Variants in LEKR1 observed in about 807,000 individuals in gnomAD.
The protein encoded by LEKR1 is leucine, glutamate and lysine rich 1.
A neutral mutation model predicts 72.4 loss-of-function variants in LEKR1; 59 were observed. That is an observed-to-expected ratio of 0.82 (90% CI 0.66 to 1.01). LEKR1 has a LOEUF of 1.01. Ranked by LOEUF, LEKR1 falls within the 50% of genes least tolerant of loss-of-function variation. LEKR1 has a pLI of 0.00. For missense variants in LEKR1, 728 were observed against 759.2 expected (o/e 0.96, Z 0.48); for synonymous variants, 257 against 263.2 (o/e 0.98, Z 0.23).
intron 3 of LEKR1, among the ~76,000 whole-genome samples, chr3:156,915,912 T>C (rs1723590179): frequency 6.6e-6 from 1 of 152,206 alleles, no homozygotes; most frequent in Non-Finnish European, 1.5e-5. Flanking sequence ...TTTAAGTCTT[T>C]AATCCATCTT....
intron 3 of LEKR1, among the ~76,000 whole-genome samples, chr3:156,864,577 T>C (rs1456842003): frequency 6.6e-6 from 1 of 152,056 alleles, no homozygotes; most frequent in Non-Finnish European, 1.5e-5. Flanking sequence ...GACTTACTGC[T>C]TTCATTTTCT....
At chr3:156,924,912 T>G (rs1182495342) in intron 4 of LEKR1, 1 of 157,256 alleles carries the variant, frequency 6.4e-6, no homozygotes, top group East Asian at 1.8e-4. Context: ...TTCAAAATTG[T>G]TTTTGCTATT....
intron 2 of LEKR1, among the ~76,000 whole-genome samples, chr3:156,838,790 C>A (rs988864749): frequency 1.4e-4 from 21 of 152,132 alleles, no homozygotes; most frequent in Non-Finnish European, 1.5e-5. Flanking sequence ...GGGGGGCTGA[C>A]AAACTGCAGG....
intron 9 of LEKR1, among the ~76,000 whole-genome samples, chr3:157,008,977 C>T (rs1025728008): frequency 6.6e-5 from 10 of 151,942 alleles, no homozygotes; most frequent in Non-Finnish European, 1.2e-4. Context: ...TTGTTCAGTT[C>T]GAAGTATTTT....
In LEKR1 at chr3:156,920,698, A is replaced by T. The variant is rs1187828939; in HGVS notation, c.383+4A>T. 7.5e-7 allele frequency: 1 copy of T among 1,340,392 alleles called. No individual in the cohort carries two copies. The highest frequency in any genetic ancestry group is 2.6e-5 in the East Asian group (1 of 38,434). 83.0% of individuals were successfully genotyped at this position (1,340,392 alleles called of 1,614,324 possible). On this transcript the variant is annotated splice_donor_region_variant and intron_variant, in intron 4 of 12. Coordinates refer to ENST00000356539, the MANE Select transcript of LEKR1 (RefSeq NM_001004316.3). ...ATAGACAATCATACATCTTCAGGTAAGATTAAAGAACTGAAAATTATAAAG... is the reference window on the plus strand; with the variant it reads ...ATAGACAATCATACATCTTCAGGTATGATTAAAGAACTGAAAATTATAAAG...
chr3:156,987,254 C>T (rs1012806137), intron 7 of LEKR1, among the ~76,000 whole-genome samples: 4 of 152,026 alleles, frequency 2.6e-5, no homozygotes, highest in Non-Finnish European at 5.9e-5. Context: ...GTGAAGATAA[C>T]AATTGGGTAA....
intron 7 of LEKR1, among the ~76,000 whole-genome samples, chr3:156,985,799 C>T (rs1205756766): frequency 1.3e-5 from 2 of 149,574 alleles, no homozygotes; most frequent in African/African-American, 5.0e-5. Flanking sequence ...GGCAAGATCG[C>T]ACCACTGCAC....
At chr3:156,939,713 TA>T (rs1216600021) in intron 5 of LEKR1, among the ~76,000 whole-genome samples, 1 of 152,198 alleles carries the variant, frequency 6.6e-6, no homozygotes, top group Non-Finnish European at 1.5e-5. Flanking sequence ...TGATATTTTT[TA>T]AAATGAAGTT....
chr3:156,876,421 C>T (rs1249010788), intron 3 of LEKR1, among the ~76,000 whole-genome samples: 1 of 152,086 alleles, frequency 6.6e-6, no homozygotes, highest in Non-Finnish European at 1.5e-5. Flanking sequence ...TTGCTTTTGG[C>T]AGTATGGTCA....
At position 156,827,346 on chromosome 3, in the gene LEKR1, C is replaced by T. The variant is rs147169103; in HGVS notation, c.-45+970C>T. Among the ~76,000 whole-genome samples, 113 of 152,186 alleles carry T rather than the reference C, an allele frequency of 7.4e-4. 2 individuals are homozygous for T. In the East Asian group the frequency reaches 0.02, roughly 27 times the overall value. ...TCACTTTGGGAGTTTAACCTAGGTGCGTTATTCCTAATTGTAAACACCTGT... is the reference window on the plus strand; with the variant it reads ...TCACTTTGGGAGTTTAACCTAGGTGTGTTATTCCTAATTGTAAACACCTGT... On this transcript the variant is annotated intron_variant, in intron 1 of 12. Coordinates refer to ENST00000356539, the MANE Select transcript of LEKR1 (RefSeq NM_001004316.3).
At chr3:156,844,754 C>G (rs1343520302) in intron 2 of LEKR1, among the ~76,000 whole-genome samples, 1 of 152,002 alleles carries the variant, frequency 6.6e-6, no homozygotes, top group African/African-American at 2.4e-5. Context: ...TAACCATTTA[C>G]CTACTCATTG....
At chr3:157,029,747 A>C (rs990779417) in intron 12 of LEKR1, among the ~76,000 whole-genome samples, 1 of 152,280 alleles carries the variant, frequency 6.6e-6, no homozygotes, top group African/African-American at 2.4e-5. Flanking sequence ...GAGAGAAGTG[A>C]TGCTGATTTG....
chr3:157,007,412 G>A (rs1308505094), intron 9 of LEKR1, among the ~76,000 whole-genome samples: 3 of 152,178 alleles, frequency 2.0e-5, no homozygotes, highest in Non-Finnish European at 4.4e-5. Context: ...GAACTTAGCA[G>A]TTACTGGAAG....
chr3:157,045,010 C>T (rs1735649213), intron 12 of LEKR1, among the ~76,000 whole-genome samples: 1 of 152,232 alleles, frequency 6.6e-6, no homozygotes, highest in Admixed American at 6.5e-5. Context: ...TGAAACTCCA[C>T]TGAAGTTAGG....
chr3:156,885,515 G>A (rs1719953830), intron 3 of LEKR1, among the ~76,000 whole-genome samples: 1 of 152,134 alleles, frequency 6.6e-6, no homozygotes, highest in South Asian at 2.1e-4. Context: ...CTAGGGATGG[G>A]GCTTCCTGAG....
chr3:156,976,814 G>A (rs1030049688), intron 6 of LEKR1, among the ~76,000 whole-genome samples: 3 of 152,168 alleles, frequency 2.0e-5, no homozygotes, highest in Non-Finnish European at 4.4e-5. Context: ...AACTAGCTGA[G>A]TGACCTTGAT....
At chr3:157,032,189 G>A (rs997885143) in intron 12 of LEKR1, among the ~76,000 whole-genome samples, 2 of 152,062 alleles carry the variant, frequency 1.3e-5, no homozygotes, top group African/African-American at 2.4e-5. Context: ...CTTCCTACTG[G>A]TTCCATGTGA....
At chr3:156,990,055 A>T (rs1731031100) in intron 7 of LEKR1, among the ~76,000 whole-genome samples, 1 of 152,198 alleles carries the variant, frequency 6.6e-6, no homozygotes, top group Non-Finnish European at 1.5e-5. Flanking sequence ...TCTGGAGTTA[A>T]TCTACTCAGA....
chr3:157,025,048 GT>G, intron 11 of LEKR1, 124 bp downstream of exon 11: 1 of 632,126 alleles, frequency 1.6e-6, no homozygotes, highest in Non-Finnish European at 2.7e-6. Context: ...CTGTGTCTTG[GT>G]TTTAGCTATG....
Sources: allele counts gnomAD v4.1 joint callset (sites outside exome capture counted in the v4.1 genomes callset), GRCh38; gene constraint gnomAD v4.1.1; transcripts MANE v1.5; gene names NCBI Gene and HGNC (gene_info 2026-07-23, HGNC 2026-07-21).